PAAF1: variants seen among roughly 807,000 people sequenced by gnomAD.
The protein encoded by PAAF1 is proteasomal ATPase-associated factor 1.
PAAF1 carries 46 observed loss-of-function variants against 52.8 expected under a neutral mutation model. The ratio of observed to expected loss-of-function variants is 0.87; its 90% CI spans 0.69 to 1.11. The LOEUF is 1.11. Ranked by LOEUF, PAAF1 falls within the 50% of genes most tolerant of loss-of-function variation. The pLI is 0.00. For synonymous variants in PAAF1, 178 were observed against 172.8 expected (o/e 1.03, Z -0.24); for missense variants, 424 against 477.4 (o/e 0.89, Z 1.04).
In PAAF1 at chr11:73,909,452, C is replaced by G; in HGVS notation, c.586C>G (p.Arg196Gly). 1.9e-6 allele frequency: 3 copies of G among 1,614,062 alleles called. No individual in the cohort carries two copies. In the South Asian group the frequency reaches 3.3e-5, roughly 18 times the overall value. ...DRGRNVVSAS[R>G]DGTARLWDCG... ...GGGGAGGAATGTGGTGTCTGCTTCTCGAGATGGGACAGCACGACTTTGGGA... is the reference window on the plus strand; with the variant it reads ...GGGGAGGAATGTGGTGTCTGCTTCTGGAGATGGGACAGCACGACTTTGGGA... Residue 196 changes from arginine (R) to glycine (G), a missense_variant, in exon 7 of 12, where the codon CGA (arginine) becomes GGA (glycine). Coordinates refer to ENST00000310571, the MANE Select transcript of PAAF1 (RefSeq NM_025155.3).
At chr11:73,885,360 T>A (rs1447015701) in intron 2 of PAAF1, among the ~76,000 whole-genome samples, 1 of 150,816 alleles carries the variant, frequency 6.6e-6, no homozygotes, top group Non-Finnish European at 1.5e-5. Context: ...GCCAGGCTGG[T>A]CTTGAACTCC....
intron 6 of PAAF1, among the ~76,000 whole-genome samples, chr11:73,905,832 T>A (rs950037505): frequency 6.6e-6 from 1 of 150,902 alleles, no homozygotes; most frequent in Non-Finnish European, 1.5e-5. Context: ...CTTTTCAGAA[T>A]TTTTTTTTTC....
At chr11:73,889,189 A>G in intron 3 of PAAF1, 1 of 1,520,760 alleles carries the variant, frequency 6.6e-7, no homozygotes, top group Non-Finnish European at 8.8e-7. Context: ...TACAGTCTTT[A>G]TCACTTCAAA....
intron 11 of PAAF1, among the ~76,000 whole-genome samples, chr11:73,927,019 A>G (rs765828556): frequency 6.6e-6 from 1 of 152,184 alleles, no homozygotes; most frequent in Non-Finnish European, 1.5e-5. Context: ...GCTAAACCTG[A>G]ACAATACTAA....
intron 2 of PAAF1, 98 bp downstream of exon 2, chr11:73,878,917 A>C (rs1345425363): frequency 8.7e-7 from 1 of 1,155,194 alleles, no homozygotes; most frequent in Non-Finnish European, 1.3e-6. Flanking sequence ...GCCTCCTTAC[A>C]TAATAGTCTG....
At chr11:73,904,973 C>G (rs1193508850) in intron 6 of PAAF1, among the ~76,000 whole-genome samples, 1 of 152,088 alleles carries the variant, frequency 6.6e-6, no homozygotes, top group Non-Finnish European at 1.5e-5. Context: ...CCTTTTCCAG[C>G]TGGGTGCAGT....
At chr11:73,899,955 C>CA (rs1261057199) in intron 5 of PAAF1, among the ~76,000 whole-genome samples, 1 of 151,978 alleles carries the variant, frequency 6.6e-6, no homozygotes, top group East Asian at 1.9e-4. Flanking sequence ...CAAGCCACCT[C>CA]AGCTCTTTAA....
chr11:73,908,815 G>A (rs982709104), intron 6 of PAAF1, among the ~76,000 whole-genome samples: 5 of 151,446 alleles, frequency 3.3e-5, no homozygotes, highest in East Asian at 1.9e-4. Context: ...TTTTTGAGAC[G>A]GAGTCTCCTC....
chr11:73,903,647 G>A (rs1163124465), intron 6 of PAAF1, among the ~76,000 whole-genome samples: 1 of 151,162 alleles, frequency 6.6e-6, no homozygotes, highest in Non-Finnish European at 1.5e-5. Flanking sequence ...AACTCAGGAG[G>A]CAGAGGTTGC....
chr11:73,930,972 A>ACC lies in PAAF1; in HGVS notation c.*3610_*3611insCC, dbSNP rs939810498. On this transcript the variant is annotated 3_prime_UTR_variant, in exon 12 of 12. Transcript: ENST00000310571. ...AAATGTTCTCAACCCAAAAAATGTTAAGCATTTGAGGTGATGGATATGTTA... is the reference window on the plus strand; with the variant it reads ...AAATGTTCTCAACCCAAAAAATGTTACCAGCATTTGAGGTGATGGATATGTTA... 8 of 152,160 alleles carry ACC rather than the reference A, an allele frequency of 5.3e-5. No individual in the cohort carries two copies. The highest frequency in any genetic ancestry group is 1.9e-4 in the African/African-American group (8 of 41,520). 9.4% of individuals were successfully genotyped at this position (152,160 alleles called of 1,614,324 possible). A position where few individuals can be genotyped will look rare whatever the true frequency, so the allele number is the denominator to read the frequency against.
chr11:73,900,969 G>A (rs1361692810), intron 6 of PAAF1, among the ~76,000 whole-genome samples: 4 of 114,100 alleles, frequency 3.5e-5, no homozygotes, highest in Non-Finnish European at 4.9e-5. Context: ...GCGACAGAGC[G>A]AGACTCCGTC....
At chr11:73,896,279 C>CT (rs1176745088) in intron 4 of PAAF1, among the ~76,000 whole-genome samples, 2 of 116,568 alleles carry the variant, frequency 1.7e-5, no homozygotes, top group Non-Finnish European at 3.6e-5. Context: ...TACGATGTTT[C>CT]TTTTTTTCTT....
chr11:73,897,083 G>A (rs1318882436), intron 4 of PAAF1, among the ~76,000 whole-genome samples: 3 of 142,674 alleles, frequency 2.1e-5, no homozygotes, highest in Non-Finnish European at 1.5e-5. Flanking sequence ...CCTCCCAGAC[G>A]GGGCGGCTGG....
chr11:73,876,936 G>A (rs1451293792), upstream of PAAF1: 1 of 1,345,788 alleles, frequency 7.4e-7, no homozygotes, highest in African/African-American at 1.5e-5. Flanking sequence ...TTGGTGTTGA[G>A]CCCACCTCTG....
chr11:73,897,364 C>T (rs1234124096), intron 4 of PAAF1, among the ~76,000 whole-genome samples: 1 of 151,132 alleles, frequency 6.6e-6, no homozygotes, highest in Non-Finnish European at 1.5e-5. Context: ...GGCTGCTGGG[C>T]GGAGGGGCTC....
intron 6 of PAAF1, among the ~76,000 whole-genome samples, chr11:73,905,230 CT>C (rs370887715): frequency 2.5e-4 from 36 of 146,534 alleles, no homozygotes; most frequent in Admixed American, 2.7e-4. Context: ...TTGCTGCTTT[CT>C]TTTTTTTTTT....
chr11:73,921,389 T>C (rs1950212513), intron 10 of PAAF1, among the ~76,000 whole-genome samples: 1 of 146,632 alleles, frequency 6.8e-6, no homozygotes, highest in Non-Finnish European at 1.5e-5. Context: ...TTCTACTTTT[T>C]GTACTTTTTT....
At chr11:73,923,414 AT>A (rs1452192225) in intron 10 of PAAF1, among the ~76,000 whole-genome samples, 13 of 152,342 alleles carry the variant, frequency 8.5e-5, no homozygotes, top group Admixed American at 3.9e-4. Context: ...GCACAAAAAA[AT>A]AGATCAAAAT....
chr11:73,922,037 A>G (rs1950232627), intron 10 of PAAF1: 10 of 809,544 alleles, frequency 1.2e-5, no homozygotes, highest in Non-Finnish European at 1.9e-5. Flanking sequence ...TGAAGAAGAC[A>G]TTGGCCTTGA....
Sources: gnomAD v4.1 joint callset for allele counts (sites outside exome capture counted in the v4.1 genomes callset) on GRCh38, gnomAD v4.1.1 for gene constraint, MANE v1.5 for transcripts, NCBI Gene and HGNC (gene_info 2026-07-23, HGNC 2026-07-21) for gene names.